The following CNTN4 variants were observed in gnomAD, a reference collection of about 807,000 sequenced individuals.
The protein encoded by CNTN4 is contactin-4.
Under a neutral mutation model 122.5 loss-of-function variants are expected in CNTN4, and 77 were observed. That is an observed-to-expected ratio of 0.63 (90% CI 0.52 to 0.76). The LOEUF (loss-of-function observed/expected upper bound fraction) is 0.76, where lower values mean the gene tolerates loss of function less well. CNTN4 is among the 30% of genes least tolerant of loss of function. CNTN4 has a pLI of 0.00. For synonymous variants in CNTN4, 512 were observed against 447.0 expected (o/e 1.15, Z -1.83); for missense variants, 1,256 against 1,259.1 (o/e 1.00, Z 0.04).
At chr3:2,105,574 A>G (rs4277664) in intron 2 of CNTN4, among the ~76,000 whole-genome samples, 1,594 of 152,212 alleles carry the variant, frequency 0.01, 15 homozygotes, top group Non-Finnish European at 0.018. Context: ...ATCTCATGAG[A>G]ACTCACAATC....
intron 6 of CNTN4, among the ~76,000 whole-genome samples, chr3:2,780,110 T>A (rs568701422): frequency 6.6e-6 from 1 of 152,356 alleles, no homozygotes; most frequent in South Asian, 2.1e-4. Context: ...ATCTGATGTG[T>A]ACTCTGACCC....
intron 3 of CNTN4, among the ~76,000 whole-genome samples, chr3:2,465,336 G>A (rs1231178654): frequency 6.6e-6 from 1 of 152,022 alleles, no homozygotes; most frequent in Non-Finnish European, 1.5e-5. Context: ...TTAAATTTCA[G>A]CAAAGATCTG....
At chr3:2,214,241 C>A (rs2038739938) in intron 2 of CNTN4, among the ~76,000 whole-genome samples, 1 of 152,144 alleles carries the variant, frequency 6.6e-6, no homozygotes, top group Non-Finnish European at 1.5e-5. Context: ...AGGGGATACA[C>A]ACTTCAATTG....
At chr3:2,783,515 G>T (rs2091690742) in intron 6 of CNTN4, among the ~76,000 whole-genome samples, 1 of 152,178 alleles carries the variant, frequency 6.6e-6, no homozygotes, top group African/African-American at 2.4e-5. Flanking sequence ...GGGTGAAGTA[G>T]GAGCCAAAGG....
chr3:2,177,125 T>C (rs932557960), intron 2 of CNTN4, among the ~76,000 whole-genome samples: 3 of 152,162 alleles, frequency 2.0e-5, no homozygotes, highest in African/African-American at 7.2e-5. Context: ...CTAGACCGTG[T>C]ATCCATTAAG....
chr3:2,222,055 C>T (rs2039080453), intron 2 of CNTN4, among the ~76,000 whole-genome samples: 1 of 151,970 alleles, frequency 6.6e-6, no homozygotes, highest in African/African-American at 2.4e-5. Context: ...TAGGTATATA[C>T]CCAAGAGAAA....
chr3:2,732,288 G>A (rs2088748810), intron 4 of CNTN4, among the ~76,000 whole-genome samples: 1 of 152,156 alleles, frequency 6.6e-6, no homozygotes. Context: ...TTAAAGGGCA[G>A]ATTAATGCAC....
At chr3:2,447,523 C>T (rs2048669188) in intron 3 of CNTN4, among the ~76,000 whole-genome samples, 1 of 151,866 alleles carries the variant, frequency 6.6e-6, no homozygotes, top group African/African-American at 2.4e-5. Flanking sequence ...TTCTCTGTAT[C>T]CACTATTATA....
chr3:2,567,977 T>C lies in CNTN4; in HGVS notation c.-88-3439T>C, dbSNP rs376991692. The stretch of plus-strand genomic sequence containing the variant: ...TGACTGGTTTATTAGCACCTCCTGC[T>C]AAGTAAACTGTGAGCTCCTTGAGGA... On this transcript the variant is annotated intron_variant, in intron 3 of 24. Transcript: ENST00000418658. Among the ~76,000 whole-genome samples, 126 of 152,260 alleles carry C rather than the reference T, an allele frequency of 8.3e-4. 1 individual carries two copies. Among genetic ancestry groups the C allele is most frequent in the South Asian group, 7.9e-3 (38 of 4,828 alleles).
intron 2 of CNTN4, among the ~76,000 whole-genome samples, chr3:2,282,699 G>A (rs1461659366): frequency 1.3e-5 from 2 of 152,054 alleles, no homozygotes; most frequent in Non-Finnish European, 2.9e-5. Flanking sequence ...ATGTACACAA[G>A]TTCATAGCAG....
Position 2,392,230 on chromosome 3 carries a change from T to C in CNTN4, c.-89+52997T>C, listed in dbSNP as rs1401970038. On this transcript the variant is annotated intron_variant, in intron 3 of 24. Coordinates refer to ENST00000418658, the MANE Select transcript of CNTN4 (RefSeq NM_175607.3). The stretch of plus-strand genomic sequence containing the variant: ...AAAACAACTTTCACGTCATCCCCTG[T>C]GAGGCTGTCTCTTCAGGAAGTCTAT... Among the ~76,000 whole-genome samples the C allele has an allele frequency of 3.3e-5, 5 of 152,216 alleles. No individual in the cohort carries two copies. The East Asian group carries it at 9.6e-4, about 29-fold the overall frequency.
At chr3:2,846,885 A>C (rs1455944878) in intron 7 of CNTN4, among the ~76,000 whole-genome samples, 1 of 152,126 alleles carries the variant, frequency 6.6e-6, no homozygotes, top group Non-Finnish European at 1.5e-5. Context: ...AATCCCAGCT[A>C]CTCAGGAAGG....
At chr3:2,994,106 T>C (rs1417126173) in intron 14 of CNTN4, among the ~76,000 whole-genome samples, 2 of 152,198 alleles carry the variant, frequency 1.3e-5, no homozygotes, top group African/African-American at 4.8e-5. Flanking sequence ...GCACATGACC[T>C]GGTGTTTTTT....
chr3:3,027,833 A>T (rs553410807), intron 15 of CNTN4, among the ~76,000 whole-genome samples: 5 of 152,230 alleles, frequency 3.3e-5, no homozygotes, highest in African/African-American at 1.2e-4. Context: ...AGGCAGAAAC[A>T]GGGACACCTA....
chr3:2,590,302 G>T (rs1367794725), intron 4 of CNTN4, among the ~76,000 whole-genome samples: 1 of 152,100 alleles, frequency 6.6e-6, no homozygotes, highest in East Asian at 1.9e-4. Flanking sequence ...TGTCGCCCAG[G>T]CTGGAGTGCA....
In CNTN4 at chr3:3,040,046, G is replaced by T; in HGVS notation, c.2173G>T (p.Glu725Ter). The T allele has an allele frequency of 6.2e-7, 1 of 1,610,562 alleles. No individual in the cohort carries two copies. The highest frequency in any genetic ancestry group is 1.1e-5 in the South Asian group (1 of 90,986). ...CTTCCTTCTTTCCCAGACGGTCCCT[G>T]AGGAATTACAGAATGGTCGAGGCTT... ...ELVITWETVP[E>*]ELQNGRGFGY... Residue 725 changes from glutamate to a stop codon, truncating the protein, a stop_gained, in exon 20 of 25, where the codon GAG becomes TAG. Coordinates refer to ENST00000418658, the MANE Select transcript of CNTN4 (RefSeq NM_175607.3). LOFTEE classifies it high-confidence loss of function.
At chr3:2,255,294 G>A (rs2040535424) in intron 2 of CNTN4, among the ~76,000 whole-genome samples, 1 of 151,448 alleles carries the variant, frequency 6.6e-6, no homozygotes, top group Non-Finnish European at 1.5e-5. Context: ...GCAAGTTCTT[G>A]GAGACCTACA....
chr3:2,487,149 C>T (rs562488261), intron 3 of CNTN4, among the ~76,000 whole-genome samples: 17 of 152,218 alleles, frequency 1.1e-4, no homozygotes, highest in South Asian at 1.0e-3. Flanking sequence ...TGGTTTCACA[C>T]GGTGTATTTT....
chr3:2,151,223 C>T (rs2035482025), intron 2 of CNTN4, among the ~76,000 whole-genome samples: 2 of 151,956 alleles, frequency 1.3e-5, no homozygotes, highest in Non-Finnish European at 2.9e-5. Flanking sequence ...CTTCGCCTGG[C>T]CAACAAGTAA....
Sources: allele counts gnomAD v4.1 joint callset (sites outside exome capture counted in the v4.1 genomes callset), GRCh38; gene constraint gnomAD v4.1.1; transcripts MANE v1.5; gene names NCBI Gene and HGNC (gene_info 2026-07-23, HGNC 2026-07-21).